Variants in UGT1A8 observed in about 807,000 individuals in gnomAD.
UGT1A8 encodes UDP glucuronosyltransferase family 1 member A8.
A neutral mutation model predicts 45.3 loss-of-function variants in UGT1A8; 39 were observed. That is an observed-to-expected ratio of 0.86 (90% CI 0.67 to 1.12). The LOEUF is 1.12. UGT1A8 is among the 50% of genes most tolerant of loss of function. UGT1A8 has a pLI of 0.00. For synonymous variants in UGT1A8, 275 were observed against 249.2 expected, an observed-to-expected ratio of 1.10 and a Z score of -0.97; for missense variants, 719 against 664.9, an observed-to-expected ratio of 1.08 and a Z score of -0.90.
intron 1 of UGT1A8, chr2:233,690,557 C>A: frequency 7.8e-7 from 1 of 1,289,654 alleles, no homozygotes; most frequent in South Asian, 1.2e-5. Context: ...ATGTCCCAAG[C>A]CTGAGTCATT....
chr2:233,632,094 C>T (rs1175120779), intron 1 of UGT1A8, among the ~76,000 whole-genome samples: 4 of 152,120 alleles, frequency 2.6e-5, no homozygotes, highest in Non-Finnish European at 5.9e-5. Context: ...CATAGGAAAT[C>T]CTTGCCCCAT....
chr2:233,755,003 C>G (rs10929301), intron 1 of UGT1A8: 604,259 of 1,287,546 alleles, frequency 0.47, 145,841 homozygotes, highest in African/African-American at 0.7. Context: ...AGCTGAAGAC[C>G]TACTCGAAGG....
rs111236822 is a variant in UGT1A8 at position 233,668,317 on chromosome 2, G to A, written c.855+49755G>A. The stretch of plus-strand genomic sequence containing the variant: ...GAGAACATGCAATGTTTGGTTTTCC[G>A]TCCTTGCGATAGTTTGCTCAGAATG... On this transcript the variant is annotated intron_variant, in intron 1 of 4. Coordinates refer to ENST00000373450, the MANE Select transcript of UGT1A8 (RefSeq NM_019076.5). Among the ~76,000 whole-genome samples, 758 of 152,084 alleles carry A rather than the reference G, an allele frequency of 5.0e-3. 6 individuals are homozygous for A. Among genetic ancestry groups the A allele is most frequent in the Non-Finnish European group, 7.2e-3 (490 of 68,020 alleles).
intron 1 of UGT1A8, among the ~76,000 whole-genome samples, chr2:233,629,981 C>T (rs2073158477): frequency 6.6e-6 from 1 of 152,038 alleles, no homozygotes; most frequent in Admixed American, 6.6e-5. Flanking sequence ...CCACCTCTCT[C>T]ATTCCTAATA....
At chr2:233,743,042 G>GTT in intron 1 of UGT1A8, 1 of 311,812 alleles carries the variant, frequency 3.2e-6, no homozygotes, top group Non-Finnish European at 6.3e-6. Context: ...GGTCCTATCC[G>GTT]TGTAGTCCCA....
At chr2:233,772,049 G>A (rs371064452) in intron 4 of UGT1A8, among the ~76,000 whole-genome samples, 4 of 152,178 alleles carry the variant, frequency 2.6e-5, no homozygotes, top group African/African-American at 9.7e-5. Context: ...GGAGTTGGAG[G>A]CTGCAGTTAG....
chr2:233,769,918 G>T lies in UGT1A8; in HGVS notation c.1295+1479G>T. ...TGAGCATCATGTGCCCAGAGCGTTG[G>T]GTGGTGTGGTCCCATTCCTTCCTTC... is the stretch of plus-strand genomic sequence containing the variant. On this transcript the variant is annotated intron_variant, in intron 4 of 4. Coordinates refer to ENST00000373450, the MANE Select transcript of UGT1A8 (RefSeq NM_019076.5). This position sits in a 1 kb window ranked among gnomAD's most constrained non-coding sequence, Gnocchi z 4.4. The T allele has an allele frequency of 3.5e-6, 1 of 286,558 alleles. No homozygotes were observed. The highest frequency in any genetic ancestry group is 6.5e-6 in the Non-Finnish European group (1 of 153,120). 17.8% of individuals were successfully genotyped at this position (286,558 alleles called of 1,614,324 possible). A position where few individuals can be genotyped will look rare whatever the true frequency, so the allele number is the denominator to read the frequency against.
chr2:233,705,496 C>A (rs190154138), intron 1 of UGT1A8, among the ~76,000 whole-genome samples: 369 of 152,190 alleles, frequency 2.4e-3, no homozygotes, highest in Non-Finnish European at 3.9e-3. Context: ...ATAATAAATA[C>A]CTTTTTAAGA....
At chr2:233,643,783 G>T (rs1208491755) in intron 1 of UGT1A8, among the ~76,000 whole-genome samples, 1 of 152,078 alleles carries the variant, frequency 6.6e-6, no homozygotes, top group Non-Finnish European at 1.5e-5. Flanking sequence ...GGCAGGACTG[G>T]GCCCTTTCTT....
At chr2:233,712,692 T>C (rs1221158170) in intron 1 of UGT1A8, among the ~76,000 whole-genome samples, 1 of 152,126 alleles carries the variant, frequency 6.6e-6, no homozygotes, top group Non-Finnish European at 1.5e-5. Context: ...AAATGGGGGT[T>C]CACAGCCTTG....
At chr2:233,726,002 C>CA (rs1248368062) in intron 1 of UGT1A8, among the ~76,000 whole-genome samples, 5 of 151,912 alleles carry the variant, frequency 3.3e-5, no homozygotes, top group African/African-American at 1.2e-4. Flanking sequence ...TGCATCTCTA[C>CA]AAAAAATCAA....
chr2:233,639,377 A>G (rs972095197), intron 1 of UGT1A8, among the ~76,000 whole-genome samples: 10 of 152,232 alleles, frequency 6.6e-5, no homozygotes, highest in African/African-American at 2.4e-4. Context: ...CTTTCTGTCA[A>G]AGAGCCTTGG....
At chr2:233,653,005 C>G (rs749642851) in intron 1 of UGT1A8, among the ~76,000 whole-genome samples, 1 of 152,094 alleles carries the variant, frequency 6.6e-6, no homozygotes, top group African/African-American at 2.4e-5. Flanking sequence ...AGGACACTAT[C>G]GAGAGAGTGA....
At chr2:233,656,995 G>C (rs1322073740) in intron 1 of UGT1A8, among the ~76,000 whole-genome samples, 1 of 151,866 alleles carries the variant, frequency 6.6e-6, no homozygotes, top group East Asian at 1.9e-4. Flanking sequence ...CCTGCGTTAG[G>C]ACCTAACCTT....
intron 1 of UGT1A8, among the ~76,000 whole-genome samples, chr2:233,721,053 C>T (rs2076919169): frequency 6.6e-6 from 1 of 152,004 alleles, no homozygotes; most frequent in Admixed American, 6.6e-5. Flanking sequence ...CCTTTTTTGT[C>T]ATATTCACTG....
chr2:233,684,988 G>A (rs1391588094), intron 1 of UGT1A8, among the ~76,000 whole-genome samples: 1 of 152,172 alleles, frequency 6.6e-6, no homozygotes. Context: ...GATGCAGTGT[G>A]TGTGTATGTG....
intron 1 of UGT1A8, among the ~76,000 whole-genome samples, chr2:233,675,453 T>C (rs2074322189): frequency 1.3e-5 from 2 of 152,310 alleles, no homozygotes; most frequent in Admixed American, 6.5e-5. Flanking sequence ...ATTCAGGCTT[T>C]GTCTATACCA....
intron 1 of UGT1A8, chr2:233,672,127 CA>C: frequency 6.2e-7 from 1 of 1,614,104 alleles, no homozygotes; most frequent in Non-Finnish European, 8.5e-7. Flanking sequence ...GGTGAGTTGG[CA>C]ACTGGGAAGA....
intron 1 of UGT1A8, among the ~76,000 whole-genome samples, chr2:233,628,122 T>C (rs1346125010): frequency 6.6e-6 from 1 of 152,072 alleles, no homozygotes; most frequent in African/African-American, 2.4e-5. Flanking sequence ...ATGCTGCCTC[T>C]ATATGTTTGT....
Sources: allele counts gnomAD v4.1 joint callset (sites outside exome capture counted in the v4.1 genomes callset), GRCh38; gene constraint gnomAD v4.1.1; non-coding constraint Gnocchi (gnomAD v3.1); transcripts MANE v1.5; gene names NCBI Gene and HGNC (gene_info 2026-07-23, HGNC 2026-07-21).